NTM: variants seen among roughly 807,000 people sequenced by gnomAD.
NTM encodes IgLON family member 2.
In NTM, 13 loss-of-function variants were observed where a neutral mutation model predicts 42.1. The observed-to-expected ratio is 0.31, with a 90% confidence interval of 0.20 to 0.49. NTM has a LOEUF of 0.49. Among genes scored for constraint, NTM ranks in the 20% least tolerant of loss-of-function variants. The pLI is 0.99. For missense variants in NTM, 373 were observed against 452.8 expected, an observed-to-expected ratio of 0.82 and a Z score of 1.60; for synonymous variants, 187 against 179.2, an observed-to-expected ratio of 1.04 and a Z score of -0.35.
intron 1 of NTM, among the ~76,000 whole-genome samples, chr11:131,873,700 TATATATATAC>T (rs2048136250): frequency 7.1e-6 from 1 of 140,884 alleles, no homozygotes; most frequent in Non-Finnish European, 1.5e-5. Flanking sequence ...TACACACATA[TATATATATAC>T]ACACACACAC....
chr11:132,256,504 C>A (rs905425588), intron 4 of NTM, among the ~76,000 whole-genome samples: 3 of 152,230 alleles, frequency 2.0e-5, no homozygotes, highest in Non-Finnish European at 2.9e-5. Context: ...TGAGTTCCAT[C>A]ACTTTGCCGG....
At chr11:131,418,403 G>T in intron 1 of NTM, among the ~76,000 whole-genome samples, 1 of 152,302 alleles carries the variant, frequency 6.6e-6, no homozygotes, top group East Asian at 1.9e-4. Flanking sequence ...GATCTCTGTC[G>T]CCACATCTGT....
chr11:132,241,616 G>C (rs973748094), intron 4 of NTM, among the ~76,000 whole-genome samples: 1 of 152,170 alleles, frequency 6.6e-6, no homozygotes, highest in Non-Finnish European at 1.5e-5. Context: ...CTCACCTCTT[G>C]CCATGACCTC....
intron 2 of NTM, among the ~76,000 whole-genome samples, chr11:132,096,341 T>G (rs2060984660): frequency 6.6e-6 from 1 of 152,118 alleles, no homozygotes; most frequent in Admixed American, 6.5e-5. Context: ...GGGTGCTAAT[T>G]TTGCTATAGG....
chr11:131,860,484 A>G (rs1162092703), intron 1 of NTM, among the ~76,000 whole-genome samples: 3 of 152,222 alleles, frequency 2.0e-5, no homozygotes, highest in Non-Finnish European at 4.4e-5. Flanking sequence ...AGAGACTCAG[A>G]GTCTAAGGTC....
At chr11:132,077,848 G>C (rs1384030167) in intron 2 of NTM, among the ~76,000 whole-genome samples, 1 of 152,152 alleles carries the variant, frequency 6.6e-6, no homozygotes, top group African/African-American at 2.4e-5. Context: ...CAATCCTCTT[G>C]CCTCAGCCTC....
intron 1 of NTM, among the ~76,000 whole-genome samples, chr11:131,671,892 G>T (rs2070330944): frequency 6.6e-6 from 1 of 152,128 alleles, no homozygotes; most frequent in African/African-American, 2.4e-5. Context: ...CCAAACCTTG[G>T]ACAGCAGCAG....
At chr11:131,478,568 A>C (rs61901914) in intron 1 of NTM, among the ~76,000 whole-genome samples, 12,942 of 152,230 alleles carry the variant, frequency 0.085, 769 homozygotes, top group Non-Finnish European at 0.13. Flanking sequence ...GTGTTTAGCA[A>C]CACCATTGCT....
At chr11:131,901,132 T>G (rs1038929412) in intron 1 of NTM, among the ~76,000 whole-genome samples, 1 of 152,240 alleles carries the variant, frequency 6.6e-6, no homozygotes, top group African/African-American at 2.4e-5. Context: ...TTATTTCATT[T>G]AACCCTCACA....
rs1008991739 is a variant in NTM, at chr11:131,386,275, A to G, written c.82+15387A>G. Among the ~76,000 whole-genome samples the G allele has an allele frequency of 1.2e-4, 18 of 152,226 alleles. No individual in the cohort carries two copies. The East Asian group carries it at 3.5e-3, about 29-fold the overall frequency. ...CGAAGTACCTAGGGTAGGCAAATTCATGGAGAGGCTATCAGGGGCTTGTGG... is the reference window on the plus strand; with the variant it reads ...CGAAGTACCTAGGGTAGGCAAATTCGTGGAGAGGCTATCAGGGGCTTGTGG... On this transcript the variant is annotated intron_variant, in intron 1 of 8. Coordinates refer to ENST00000683400, the MANE Select transcript of NTM (RefSeq NM_001352005.2).
intron 1 of NTM, among the ~76,000 whole-genome samples, chr11:131,668,210 G>A (rs1199920751): frequency 1.3e-5 from 2 of 151,992 alleles, no homozygotes; most frequent in African/African-American, 4.8e-5. Flanking sequence ...GACTTTGGAA[G>A]CACTTTGTGT....
chr11:132,065,221 G>C (rs1238146806), intron 2 of NTM, among the ~76,000 whole-genome samples: 2 of 152,198 alleles, frequency 1.3e-5, no homozygotes, highest in African/African-American at 4.8e-5. Context: ...CAGAAGAGAT[G>C]CCAAGTGTAG....
chr11:131,454,926 T>A (rs962063271), intron 1 of NTM, among the ~76,000 whole-genome samples: 1 of 151,872 alleles, frequency 6.6e-6, no homozygotes, highest in Non-Finnish European at 1.5e-5. Flanking sequence ...CAGCAAAAGA[T>A]AAACACACAG....
chr11:131,691,163 C>T (rs974731941), intron 1 of NTM, among the ~76,000 whole-genome samples: 1 of 152,168 alleles, frequency 6.6e-6, no homozygotes, highest in East Asian at 1.9e-4. Flanking sequence ...GCACCAGGGG[C>T]CCAGGCCACC....
At chr11:131,698,408 T>C (rs898365398) in intron 1 of NTM, among the ~76,000 whole-genome samples, 1 of 152,194 alleles carries the variant, frequency 6.6e-6, no homozygotes, top group Admixed American at 6.5e-5. Flanking sequence ...ATCATCATGA[T>C]TGACATTGAC....
intron 1 of NTM, among the ~76,000 whole-genome samples, chr11:131,789,973 A>G (rs186389745): frequency 6.6e-6 from 1 of 150,414 alleles, no homozygotes; most frequent in East Asian, 2.0e-4. Context: ...AAAAAAAAAA[A>G]AAAAAAAAGC....
intron 7 of NTM, 114 bp from the exon 8 acceptor site, chr11:132,330,039 C>T (rs1460239768): frequency 2.7e-6 from 4 of 1,495,254 alleles, no homozygotes; most frequent in South Asian, 2.6e-5. Flanking sequence ...GCAAGAGGCG[C>T]AGGGACGCTG....
rs1565404644 is a variant in NTM at position 131,672,835 on chromosome 11, AC to A, written c.83-238728del. Among the ~76,000 whole-genome samples, 1,007 of 130,758 alleles carry A rather than the reference AC, an allele frequency of 7.7e-3. 139 individuals carry two copies. Among genetic ancestry groups the A allele is most frequent in the African/African-American group, 0.027 (952 of 34,990 alleles). 85.8% of individuals were successfully genotyped at this position (130,758 alleles called of 152,430 possible). On this transcript the variant is annotated intron_variant, in intron 1 of 8. Transcript: ENST00000683400. The stretch of plus-strand genomic sequence containing the variant: ...GTTCTCCCTTAAAACAGAGAAGACC[AC>A]GGTGCCGGGGTGGGGGTGGGGTGTG...
chr11:131,924,921 C>A (rs1172912111), intron 2 of NTM, among the ~76,000 whole-genome samples: 1 of 152,192 alleles, frequency 6.6e-6, no homozygotes, highest in Non-Finnish European at 1.5e-5. Flanking sequence ...GACCTAAGCA[C>A]TTATTACAAT....
Sources: gnomAD v4.1 joint callset for allele counts (sites outside exome capture counted in the v4.1 genomes callset) on GRCh38, gnomAD v4.1.1 for gene constraint, MANE v1.5 for transcripts, NCBI Gene and HGNC (gene_info 2026-07-23, HGNC 2026-07-21) for gene names.